CAMSAP1: variants seen among roughly 807,000 people sequenced by gnomAD.
CAMSAP1 encodes calmodulin-regulated spectrin-associated protein 1.
In CAMSAP1, 58 loss-of-function variants were observed where a neutral mutation model predicts 143.5. That is an observed-to-expected ratio of 0.40 (90% CI 0.33 to 0.50). CAMSAP1 has a LOEUF of 0.50. Among genes scored for constraint, CAMSAP1 ranks in the 20% least tolerant of loss-of-function variants. CAMSAP1 has a pLI of 0.45. For synonymous variants in CAMSAP1, 945 were observed against 859.3 expected (o/e 1.10, Z -1.74); for missense variants, 1,969 against 2,115.7 (o/e 0.93, Z 1.36).
chr9:135,890,429 G>A (rs1838255262), intron 1 of CAMSAP1, among the ~76,000 whole-genome samples: 1 of 152,090 alleles, frequency 6.6e-6, no homozygotes, highest in Non-Finnish European at 1.5e-5. Flanking sequence ...CTGGACCGCG[G>A]TTTCCCCCTG....
intron 5 of CAMSAP1, among the ~76,000 whole-genome samples, chr9:135,859,583 G>A (rs1253085508): frequency 6.6e-6 from 1 of 151,912 alleles, no homozygotes; most frequent in African/African-American, 2.4e-5. Flanking sequence ...TAGTAGAGAC[G>A]GGGTTTCACC....
At chr9:135,816,649 C>G (rs1014120154) in intron 14 of CAMSAP1, among the ~76,000 whole-genome samples, 20 of 152,130 alleles carry the variant, frequency 1.3e-4, no homozygotes, top group Non-Finnish European at 4.4e-5. Context: ...TGCAGTCCCT[C>G]GGAGGGATCT....
At position 135,822,668 on chromosome 9, in the gene CAMSAP1, T is replaced by C. The variant is rs757256064; in HGVS notation, c.1993A>G (p.Thr665Ala). 4 of 1,608,598 alleles carry C rather than the reference T, an allele frequency of 2.5e-6. No individual in the cohort carries two copies. The highest frequency in any genetic ancestry group is 2.5e-6 in the Non-Finnish European group (3 of 1,177,070). Residue 665 changes from threonine to alanine, a missense_variant, in exon 11 of 17, where the codon ACC becomes GCC. Thr to Ala is a moderately conservative substitution (Grantham distance 58). Transcript: ENST00000389532. The surrounding 1 kb of genome is among the most constrained non-coding windows in gnomAD (Gnocchi z 6.1). ...TCCACTGACAGTGGTCCTGTCTCGGTGGGGTCGATGCCCATGGGGAATTCT... is the reference window on the plus strand; with the variant it reads ...TCCACTGACAGTGGTCCTGTCTCGGCGGGGTCGATGCCCATGGGGAATTCT... ...CSEFPMGIDP[T>A]ETGPLSVETA...
rs200562994 is a variant in CAMSAP1, at chr9:135,888,318, G to A, written c.161-5240C>T. 3.3e-5 allele frequency among the ~76,000 whole-genome samples: 5 copies of A among 152,330 alleles called. No homozygotes were observed. In the East Asian group the frequency reaches 7.7e-4, roughly 23 times the overall value. ...GCAGGTCAGGAAGTGGCCATCTGTC[G>A]ACTGCAGCCCTCCCGCGGCACCTGC... is the stretch of plus-strand genomic sequence containing the variant. On this transcript the variant is annotated intron_variant, in intron 1 of 16. Coordinates refer to ENST00000389532, the MANE Select transcript of CAMSAP1 (RefSeq NM_015447.4).
intron 3 of CAMSAP1, among the ~76,000 whole-genome samples, chr9:135,877,359 G>C (rs1837787747): frequency 6.6e-6 from 1 of 151,988 alleles, no homozygotes; most frequent in Admixed American, 6.6e-5. Flanking sequence ...TAACTGCAAA[G>C]CACCATGAAA....
In CAMSAP1 at chr9:135,882,725, G is replaced by A. The variant is rs538434888; in HGVS notation, c.423+91C>T. The A allele has an allele frequency of 1.2e-5, 17 of 1,441,832 alleles. No individual in the cohort carries two copies. Among genetic ancestry groups the A allele is most frequent in the African/African-American group, 4.2e-5 (3 of 70,972 alleles). 89.3% of individuals were successfully genotyped at this position (1,441,832 alleles called of 1,614,324 possible). A position where few individuals can be genotyped will look rare whatever the true frequency, so the allele number is the denominator to read the frequency against. ...GGTCTCCACCACCTCGCCGCACACC[G>A]TGTTCACACCATCCATGCACCAGGT... On this transcript the variant is annotated intron_variant, in intron 2 of 16. Transcript: ENST00000389532. The surrounding 1 kb of genome is among the most constrained non-coding windows in gnomAD (Gnocchi z 4.9).
At chr9:135,868,012 C>A (rs1160850614) in intron 3 of CAMSAP1, among the ~76,000 whole-genome samples, 1 of 152,170 alleles carries the variant, frequency 6.6e-6, no homozygotes, top group African/African-American at 2.4e-5. Context: ...CACAAAGTAA[C>A]CCCAGCAGCA....
At chr9:135,849,959 A>G in intron 7 of CAMSAP1, 178 bp downstream of exon 7, 2 of 511,240 alleles carry the variant, frequency 3.9e-6, no homozygotes, top group African/African-American at 1.9e-5. Context: ...CGAATAGTTC[A>G]TCAAAATCAC....
In CAMSAP1 at chr9:135,822,962, A is replaced by G. The variant is rs746334001; in HGVS notation, c.1699T>C (p.Leu567=). The change falls in exon 11 of 17, where the codon TTA becomes CTA. Residue 567 remains leucine, a synonymous_variant. Coordinates refer to ENST00000389532, the MANE Select transcript of CAMSAP1 (RefSeq NM_015447.4). This position sits in a 1 kb window ranked among gnomAD's most constrained non-coding sequence, Gnocchi z 6.1. ...PEFPRASPRA[L]GLTANARSPQ... is the part of the protein sequence containing the mutation. Reference sequence around the variant, plus strand: ...GACCGGGCATTTGCTGTAAGGCCTAAGGCCCGGGGTGAGGCCCTGGGGAAC... The same window carrying G: ...GACCGGGCATTTGCTGTAAGGCCTAGGGCCCGGGGTGAGGCCCTGGGGAAC... 9 of 1,613,856 alleles carry G rather than the reference A, an allele frequency of 5.6e-6. No homozygotes were observed. In the South Asian group the frequency reaches 9.9e-5, roughly 18 times the overall value.
chr9:135,832,950 A>C (rs1007336816), intron 7 of CAMSAP1, among the ~76,000 whole-genome samples: 13 of 152,188 alleles, frequency 8.5e-5, no homozygotes, highest in African/African-American at 2.9e-4. Flanking sequence ...AAATGTCCAT[A>C]CTACCAAAAA....
rs1324144603 is a variant in CAMSAP1 at position 135,811,833 on chromosome 9, A to G, written c.4507-222T>C. Among the ~76,000 whole-genome samples the G allele has an allele frequency of 1.3e-5, 2 of 152,250 alleles. No homozygotes were observed. The highest frequency in any genetic ancestry group is 4.8e-5 in the African/African-American group (2 of 41,474). The stretch of plus-strand genomic sequence containing the variant: ...GAAGTCTAAGCAAGCAAGGGGGAAA[A>G]GAATGCTTTTACGATTAAATGGAAA... On this transcript the variant is annotated intron_variant, in intron 16 of 16. Transcript: ENST00000389532. The surrounding 1 kb of genome is among the most constrained non-coding windows in gnomAD (Gnocchi z 4.9).
At position 135,882,694 on chromosome 9, in the gene CAMSAP1, A is replaced by C. The variant is rs1457006933; in HGVS notation, c.423+122T>G. The C allele has an allele frequency of 8.4e-7, 1 of 1,191,696 alleles. No homozygotes were observed. Among genetic ancestry groups the C allele is most frequent in the Admixed American group, 2.7e-5 (1 of 37,466 alleles). The allele number at this position is 1,191,696 out of a possible 1,614,324, so 73.8% of individuals were successfully genotyped here. On this transcript the variant is annotated intron_variant, in intron 2 of 16. Coordinates refer to ENST00000389532, the MANE Select transcript of CAMSAP1 (RefSeq NM_015447.4). This position sits in a 1 kb window ranked among gnomAD's most constrained non-coding sequence, Gnocchi z 4.9. ...TTCCTAAGGAACGCCAGTGTGCAAAAGCACGGGTCTCCACCACCTCGCCGC... is the reference window on the plus strand; with the variant it reads ...TTCCTAAGGAACGCCAGTGTGCAAACGCACGGGTCTCCACCACCTCGCCGC...
intron 14 of CAMSAP1, among the ~76,000 whole-genome samples, 172 bp from the exon 15 acceptor site, chr9:135,816,177 G>A (rs980898149): frequency 9.9e-5 from 15 of 152,214 alleles, no homozygotes; most frequent in Admixed American, 2.0e-4. Flanking sequence ...CAGACACTCC[G>A]AGCAAAATAC....
At chr9:135,835,413 T>A (rs1835990960) in intron 7 of CAMSAP1, among the ~76,000 whole-genome samples, 1 of 152,128 alleles carries the variant, frequency 6.6e-6, no homozygotes, top group South Asian at 2.1e-4. Flanking sequence ...GTGAGAGGCT[T>A]CACGGAGGTA....
chr9:135,834,219 T>C (rs977188537), intron 7 of CAMSAP1, among the ~76,000 whole-genome samples: 1 of 152,198 alleles, frequency 6.6e-6, no homozygotes, highest in African/African-American at 2.4e-5. Context: ...CACAAATTGG[T>C]ATAGCCATTC....
chr9:135,821,230 G>A lies in CAMSAP1; in HGVS notation c.3431C>T (p.Thr1144Met), dbSNP rs781263667. 1.0e-5 allele frequency: 16 copies of A among 1,607,990 alleles called. No homozygotes were observed. The highest frequency in any genetic ancestry group is 5.5e-5 in the South Asian group (5 of 91,084). Residue 1144 changes from threonine (T) to methionine (M), a missense_variant, in exon 11 of 17, where the codon ACG (threonine) becomes ATG (methionine). By Grantham distance (81) the Thr-to-Met change is moderately conservative. This residue lies in a region of CAMSAP1 where 1,390 missense variants were observed against 1,420.8 expected (regional missense o/e 0.98). Transcript: ENST00000389532. This position sits in a 1 kb window ranked among gnomAD's most constrained non-coding sequence, Gnocchi z 4.6. ...ACTGTCCAGGCCAGGGTCCGTGGGC[G>A]TCCGAGGGTGGCTGCTGGCAGGGAA... ...RPFPASSHPR[T>M]PTDPGLDSAL... is the part of the protein sequence containing the mutation.
chr9:135,819,252 C>T (rs1835352996), intron 11 of CAMSAP1, 106 bp from the exon 12 acceptor site: 3 of 1,355,638 alleles, frequency 2.2e-6, no homozygotes, highest in Non-Finnish European at 2.0e-6. Context: ...AAAAGTTTAA[C>T]GCATAAAGAC....
At chr9:135,887,343 A>C (rs190148755) in intron 1 of CAMSAP1, among the ~76,000 whole-genome samples, 1 of 152,272 alleles carries the variant, frequency 6.6e-6, no homozygotes, top group African/African-American at 2.4e-5. Context: ...AGCCCGCCGG[A>C]CTCAGCTGGC....
At chr9:135,872,575 G>C (rs1186183871) in intron 3 of CAMSAP1, among the ~76,000 whole-genome samples, 1 of 152,118 alleles carries the variant, frequency 6.6e-6, no homozygotes, top group Non-Finnish European at 1.5e-5. Flanking sequence ...ATTGTCAGAT[G>C]AATAAAAAAG....
Sources: gnomAD v4.1 joint callset for allele counts (sites outside exome capture counted in the v4.1 genomes callset) on GRCh38, gnomAD v4.1.1 for gene constraint, gnomAD v4.1.1 regional missense constraint, Gnocchi (gnomAD v3.1) non-coding constraint, MANE v1.5 for transcripts, NCBI Gene and HGNC (gene_info 2026-07-23, HGNC 2026-07-21) for gene names.